BRINP2: variants seen among roughly 807,000 people sequenced by gnomAD.
The protein encoded by BRINP2 is BMP/retinoic acid inducible neural specific 2, also known as BMP/retinoic acid-inducible neural-specific protein 2.
In BRINP2, 21 loss-of-function variants were observed where a neutral mutation model predicts 69.2. That is an observed-to-expected ratio of 0.30 (90% CI 0.22 to 0.44). The LOEUF (loss-of-function observed/expected upper bound fraction) is 0.44. Ranked by LOEUF, BRINP2 falls within the 20% of genes least tolerant of loss-of-function variation. BRINP2 has a pLI of 1.00. For synonymous variants in BRINP2, 380 were observed against 394.1 expected, an observed-to-expected ratio of 0.96 and a Z score of 0.42; for missense variants, 877 against 986.0, an observed-to-expected ratio of 0.89 and a Z score of 1.48.
intron 3 of BRINP2, chr1:177,256,437 T>A (rs1650761265): frequency 1.0e-6 from 1 of 985,300 alleles, no homozygotes; most frequent in Admixed American, 6.1e-5. Flanking sequence ...TTTCTAATGT[T>A]TGCTGTGGCT....
At chr1:177,250,576 T>G (rs891825361) in intron 2 of BRINP2, among the ~76,000 whole-genome samples, 1 of 152,228 alleles carries the variant, frequency 6.6e-6, no homozygotes, top group Non-Finnish European at 1.5e-5. Context: ...CCACCCGCCT[T>G]GGCCTCCCAA....
chr1:177,226,968 C>G (rs1649711696), intron 1 of BRINP2, among the ~76,000 whole-genome samples: 1 of 152,158 alleles, frequency 6.6e-6, no homozygotes, highest in Admixed American at 6.5e-5. Context: ...TCAGTTCCAC[C>G]CCGGGTATTG....
At chr1:177,251,245 T>C (rs927341220) in intron 2 of BRINP2, among the ~76,000 whole-genome samples, 13 of 152,348 alleles carry the variant, frequency 8.5e-5, no homozygotes, top group African/African-American at 2.9e-4. Flanking sequence ...TAAAACTGGC[T>C]TAATCCAGGA....
At chr1:177,263,787 G>T (rs1571940805) in intron 4 of BRINP2, among the ~76,000 whole-genome samples, 1 of 152,050 alleles carries the variant, frequency 6.6e-6, no homozygotes, top group East Asian at 1.9e-4. Flanking sequence ...ATCTTAGACA[G>T]TTTAAAATGA....
intron 5 of BRINP2, chr1:177,275,326 T>G (rs1306538735): frequency 2.2e-6 from 1 of 445,794 alleles, no homozygotes; most frequent in Non-Finnish European, 4.5e-6. Flanking sequence ...CAGAAGTTAA[T>G]TGGAAGAGAG....
At chr1:177,175,281 A>G (rs908866127) in intron 1 of BRINP2, among the ~76,000 whole-genome samples, 6 of 144,318 alleles carry the variant, frequency 4.2e-5, no homozygotes, top group African/African-American at 8.7e-5. Context: ...AGACCATGGA[A>G]AAGCGGGGTG....
chr1:177,177,594 A>G (rs1171887733), intron 1 of BRINP2, among the ~76,000 whole-genome samples: 1 of 152,070 alleles, frequency 6.6e-6, no homozygotes, highest in Non-Finnish European at 1.5e-5. Context: ...TACCTTTATT[A>G]CTGTATTTTC....
chr1:177,212,824 A>C (rs1419801890), intron 1 of BRINP2, among the ~76,000 whole-genome samples: 1 of 152,160 alleles, frequency 6.6e-6, no homozygotes, highest in Non-Finnish European at 1.5e-5. Context: ...ACAGTTCTAT[A>C]ATCATCCATT....
At chr1:177,215,101 T>C (rs535103238) in intron 1 of BRINP2, among the ~76,000 whole-genome samples, 1 of 152,344 alleles carries the variant, frequency 6.6e-6, no homozygotes, top group Non-Finnish European at 1.5e-5. Context: ...TTCTACACTC[T>C]GCTTCTATGA....
chr1:177,182,656 T>G (rs981578393), intron 1 of BRINP2, among the ~76,000 whole-genome samples: 7 of 151,258 alleles, frequency 4.6e-5, no homozygotes, highest in Admixed American at 4.6e-4. Context: ...GTTTCGATGG[T>G]TTTTTTTTGC....
At chr1:177,221,515 A>G (rs1025288589) in intron 1 of BRINP2, among the ~76,000 whole-genome samples, 2 of 152,236 alleles carry the variant, frequency 1.3e-5, no homozygotes, top group Non-Finnish European at 2.9e-5. Context: ...CACTTATGAT[A>G]CAATGTGACA....
chr1:177,255,161 T>A (rs1650715251), intron 2 of BRINP2, among the ~76,000 whole-genome samples: 1 of 152,202 alleles, frequency 6.6e-6, no homozygotes, highest in Admixed American at 6.5e-5. Flanking sequence ...GAAAACAGAT[T>A]GAATGTAGAA....
At chr1:177,199,500 C>A (rs1376986477) in intron 1 of BRINP2, among the ~76,000 whole-genome samples, 1 of 152,194 alleles carries the variant, frequency 6.6e-6, no homozygotes, top group Admixed American at 6.5e-5. Flanking sequence ...TTTAAGGATT[C>A]ATTCCCATAT....
rs548289999 is a variant in BRINP2 at position 177,205,900 on chromosome 1, C to T, written c.-76-23901C>T. ...CTGGTATTCGCACCCTTGCATAGGC[C>T]CCTCCCATAGCGTATCAGTGCTGGT... On this transcript the variant is annotated intron_variant, in intron 1 of 7. Transcript: ENST00000361539. 6.6e-5 allele frequency among the ~76,000 whole-genome samples: 10 copies of T among 152,250 alleles called. No homozygotes were observed. In the South Asian group the frequency reaches 2.1e-3, roughly 32 times the overall value.
intron 1 of BRINP2, among the ~76,000 whole-genome samples, chr1:177,181,363 C>T (rs1273595810): frequency 6.6e-6 from 1 of 152,198 alleles, no homozygotes; most frequent in Non-Finnish European, 1.5e-5. Context: ...TCGCGGGGAG[C>T]CCCAGCTCAG....
At chr1:177,186,628 A>G (rs1648433093) in intron 1 of BRINP2, among the ~76,000 whole-genome samples, 1 of 152,072 alleles carries the variant, frequency 6.6e-6, no homozygotes, top group Non-Finnish European at 1.5e-5. Flanking sequence ...GGAATTGAGG[A>G]AGAAAACTCT....
intron 2 of BRINP2, among the ~76,000 whole-genome samples, chr1:177,236,451 T>C (rs1375117872): frequency 6.6e-6 from 1 of 152,176 alleles, no homozygotes; most frequent in Non-Finnish European, 1.5e-5. Flanking sequence ...AACAAACAAC[T>C]ATAATTCTAG....
intron 1 of BRINP2, among the ~76,000 whole-genome samples, chr1:177,179,855 G>A (rs1415262799): frequency 1.3e-5 from 2 of 152,092 alleles, no homozygotes; most frequent in Non-Finnish European, 2.9e-5. Context: ...TGAGATGCTG[G>A]CAGTGTTCTG....
chr1:177,241,877 G>C (rs1463858073), intron 2 of BRINP2, among the ~76,000 whole-genome samples: 1 of 152,186 alleles, frequency 6.6e-6, no homozygotes, highest in Non-Finnish European at 1.5e-5. Flanking sequence ...TCAGTGCTTC[G>C]AGGAACGTTG....
Sources: allele counts gnomAD v4.1 joint callset (sites outside exome capture counted in the v4.1 genomes callset), GRCh38; gene constraint gnomAD v4.1.1; transcripts MANE v1.5; gene names NCBI Gene and HGNC (gene_info 2026-07-23, HGNC 2026-07-21).